The following PDE2A variants were observed in gnomAD, a reference collection of about 807,000 sequenced individuals.
The protein encoded by PDE2A is cGMP-dependent 3',5'-cyclic phosphodiesterase.
In PDE2A, 53 loss-of-function variants were observed where a neutral mutation model predicts 133.6. The ratio of observed to expected loss-of-function variants is 0.40; its 90% confidence interval spans 0.32 to 0.50. PDE2A has a LOEUF of 0.50. Among genes scored for constraint, PDE2A ranks in the 20% least tolerant of loss-of-function variants. The probability of loss-of-function intolerance (pLI) is 0.73; values close to 1 mark genes in which losing one functional copy is unlikely to be tolerated. For synonymous variants in PDE2A, 491 were observed against 490.2 expected, an observed-to-expected ratio of 1.00 and a Z score of -0.02; for missense variants, 796 against 1,232.4, an observed-to-expected ratio of 0.65 and a Z score of 5.30.
At chr11:72,587,436 G>T (rs568734809) in intron 13 of PDE2A, among the ~76,000 whole-genome samples, 1 of 152,268 alleles carries the variant, frequency 6.6e-6, no homozygotes. Context: ...CCTGAAATGC[G>T]TGGGACACAG....
At chr11:72,600,299 T>G (rs909378539) in intron 4 of PDE2A, among the ~76,000 whole-genome samples, 7 of 152,136 alleles carry the variant, frequency 4.6e-5, no homozygotes, top group Admixed American at 4.6e-4. Context: ...GAGGGTCCTA[T>G]CATCTTAGTG....
intron 6 of PDE2A, 50 bp from the exon 7 acceptor site, chr11:72,591,406 C>T: frequency 6.7e-7 from 1 of 1,488,062 alleles, no homozygotes; most frequent in Non-Finnish European, 9.4e-7. Context: ...CAGTGTCTGT[C>T]TCTGCCAGAG....
chr11:72,607,964 G>T (rs1857046251), intron 3 of PDE2A, among the ~76,000 whole-genome samples: 1 of 152,092 alleles, frequency 6.6e-6, no homozygotes, highest in South Asian at 2.1e-4. Context: ...GGCCTCAAGG[G>T]CTGGTTTACC....
At chr11:72,665,824 C>G (rs1202811855) in intron 1 of PDE2A, among the ~76,000 whole-genome samples, 2 of 152,034 alleles carry the variant, frequency 1.3e-5, no homozygotes, top group African/African-American at 4.8e-5. Flanking sequence ...GCCCCAAACC[C>G]CAGCACTGTC....
chr11:72,669,773 C>T (rs559789928), intron 1 of PDE2A, among the ~76,000 whole-genome samples: 60 of 152,288 alleles, frequency 3.9e-4, no homozygotes, highest in Non-Finnish European at 6.9e-4. Context: ...TTTGTTTGCA[C>T]GCCACTTTCT....
intron 2 of PDE2A, among the ~76,000 whole-genome samples, chr11:72,624,883 TA>T (rs964876624): frequency 1.3e-5 from 2 of 152,212 alleles, no homozygotes; most frequent in African/African-American, 4.8e-5. Context: ...TACTTGATAT[TA>T]CACGTCATAA....
chr11:72,618,818 C>T (rs1003257230), intron 2 of PDE2A, among the ~76,000 whole-genome samples: 4 of 152,238 alleles, frequency 2.6e-5, no homozygotes, highest in East Asian at 1.9e-4. Context: ...CACAGGGTCC[C>T]GGTCAGTGGG....
At chr11:72,648,109 G>C (rs938077791) in intron 1 of PDE2A, among the ~76,000 whole-genome samples, 1 of 152,170 alleles carries the variant, frequency 6.6e-6, no homozygotes, top group African/African-American at 2.4e-5. Flanking sequence ...ACGTGTTTAT[G>C]CTCTAGCCCA....
At chr11:72,625,273 TGCTG>T (rs1229452062) in intron 2 of PDE2A, among the ~76,000 whole-genome samples, 1 of 152,202 alleles carries the variant, frequency 6.6e-6, no homozygotes, top group African/African-American at 2.4e-5. Flanking sequence ...TCTGCACTGG[TGCTG>T]GCTCTACTGG....
intron 16 of PDE2A, 173 bp from the exon 17 acceptor site, chr11:72,585,117 T>C: frequency 5.1e-6 from 1 of 195,324 alleles, no homozygotes. Context: ...GTGTTTTGTT[T>C]TTTTTTTTTT....
intron 2 of PDE2A, among the ~76,000 whole-genome samples, chr11:72,612,119 C>T (rs1416063513): frequency 6.6e-6 from 1 of 151,658 alleles, no homozygotes; most frequent in East Asian, 1.9e-4. Context: ...TGCTCACATG[C>T]CCATCTACAC....
Position 72,590,679 on chromosome 11 carries a change from C to T in PDE2A, c.550-99G>A. The T allele has an allele frequency of 2.6e-6, 3 of 1,154,692 alleles. No individual in the cohort carries two copies. In the South Asian group the frequency reaches 6.7e-5, roughly 26 times the overall value. 71.5% of individuals were successfully genotyped at this position (1,154,692 alleles called of 1,614,324 possible). ...TTGCTCCCGCCGTTCCCTCTGCCTG[C>T]CGGGCCCAGGGACCCCGCCGCCGTC... is the stretch of plus-strand genomic sequence containing the variant. On this transcript the variant is annotated intron_variant, in intron 7 of 30. Transcript: ENST00000334456. This position sits in a 1 kb window ranked among gnomAD's most constrained non-coding sequence, Gnocchi z 4.8.
chr11:72,653,416 G>A (rs1453908961), intron 1 of PDE2A, among the ~76,000 whole-genome samples: 1 of 152,182 alleles, frequency 6.6e-6, no homozygotes, highest in Non-Finnish European at 1.5e-5. Flanking sequence ...GAATCGCAGA[G>A]ACTGCTTAGA....
At chr11:72,658,591 C>T (rs1854964906) in intron 1 of PDE2A, among the ~76,000 whole-genome samples, 1 of 152,072 alleles carries the variant, frequency 6.6e-6, no homozygotes, top group Admixed American at 6.6e-5. Flanking sequence ...CCTCAGCTTC[C>T]CAAAGTGCTG....
chr11:72,579,096 G>T, intron 27 of PDE2A, 87 bp from the exon 28 acceptor site: 2 of 1,093,976 alleles, frequency 1.8e-6, no homozygotes, highest in Non-Finnish European at 2.8e-6. Context: ...ACCCAGAGCG[G>T]TCCAGGGAAT....
chr11:72,648,831 A>G (rs1352796856), intron 1 of PDE2A, among the ~76,000 whole-genome samples: 3 of 152,162 alleles, frequency 2.0e-5, no homozygotes, highest in Admixed American at 6.5e-5. Context: ...GAGTCTTTCC[A>G]TAGATACACG....
chr11:72,611,280 A>G (rs1235572509), intron 2 of PDE2A, among the ~76,000 whole-genome samples: 6 of 152,192 alleles, frequency 3.9e-5, no homozygotes, highest in Admixed American at 1.3e-4. Flanking sequence ...AGAAGCAATG[A>G]TCAACCTGTG....
chr11:72,589,840 T>TC (rs1298385411), intron 10 of PDE2A, 48 bp from the exon 11 acceptor site: 4 of 1,610,208 alleles, frequency 2.5e-6, no homozygotes, highest in African/African-American at 1.3e-5. Flanking sequence ...GCAATGGATT[T>TC]CCCCCTCGGA....
intron 2 of PDE2A, among the ~76,000 whole-genome samples, chr11:72,613,646 C>T (rs1174953448): frequency 6.6e-6 from 1 of 152,068 alleles, no homozygotes; most frequent in Non-Finnish European, 1.5e-5. Flanking sequence ...CTGCATACTT[C>T]CTGCCCCCAC....
Sources: gnomAD v4.1 joint callset for allele counts (sites outside exome capture counted in the v4.1 genomes callset) on GRCh38, gnomAD v4.1.1 for gene constraint, Gnocchi (gnomAD v3.1) non-coding constraint, MANE v1.5 for transcripts, NCBI Gene and HGNC (gene_info 2026-07-23, HGNC 2026-07-21) for gene names.